EXOC6B: variants seen among roughly 807,000 people sequenced by gnomAD.
EXOC6B encodes the protein exocyst complex component 6B, also known as SEC15 homolog B.
A neutral mutation model predicts 113.5 loss-of-function variants in EXOC6B; 54 were observed. The ratio of observed to expected loss-of-function variants is 0.48; its 90% CI spans 0.38 to 0.60. The LOEUF (loss-of-function observed/expected upper bound fraction) is 0.60, where lower values mean the gene tolerates loss of function less well. EXOC6B is among the 20% of genes least tolerant of loss of function. The pLI is 0.00. For synonymous variants in EXOC6B, 357 were observed against 339.0 expected (o/e 1.05, Z -0.58); for missense variants, 797 against 977.5 (o/e 0.82, Z 2.46).
At chr2:72,409,756 T>C (rs1386090715) in intron 18 of EXOC6B, among the ~76,000 whole-genome samples, 2 of 151,680 alleles carry the variant, frequency 1.3e-5, no homozygotes, top group Non-Finnish European at 2.9e-5. Flanking sequence ...TTAGGAGATA[T>C]ACCTAATGTT....
At chr2:72,628,596 G>T (rs994346245) in intron 6 of EXOC6B, among the ~76,000 whole-genome samples, 8 of 152,046 alleles carry the variant, frequency 5.3e-5, no homozygotes, top group African/African-American at 1.9e-4. Context: ...GGTTTAGGAG[G>T]GTGGAGCTTT....
intron 6 of EXOC6B, among the ~76,000 whole-genome samples, chr2:72,657,489 C>T (rs1322118483): frequency 6.6e-6 from 1 of 151,364 alleles, no homozygotes; most frequent in African/African-American, 2.4e-5. Flanking sequence ...GCCTCGGTCT[C>T]CCAAAGTGCT....
At chr2:72,790,063 T>A (rs1181016902) in intron 1 of EXOC6B, among the ~76,000 whole-genome samples, 3 of 152,090 alleles carry the variant, frequency 2.0e-5, no homozygotes, top group Non-Finnish European at 4.4e-5. Flanking sequence ...CTCAGAGAAA[T>A]GGCACAGGGC....
At chr2:72,799,330 G>A (rs1685158288) in intron 1 of EXOC6B, among the ~76,000 whole-genome samples, 1 of 151,530 alleles carries the variant, frequency 6.6e-6, no homozygotes, top group African/African-American at 2.4e-5. Flanking sequence ...AGCATTTTAG[G>A]AGGTCGAGGT....
chr2:72,395,327 T>C (rs966564679), intron 18 of EXOC6B, among the ~76,000 whole-genome samples: 18 of 152,088 alleles, frequency 1.2e-4, no homozygotes, highest in South Asian at 8.3e-4. Flanking sequence ...TCTTTTAACT[T>C]CCACATACAA....
chr2:72,408,548 C>G (rs977531052), intron 18 of EXOC6B, among the ~76,000 whole-genome samples: 1 of 152,086 alleles, frequency 6.6e-6, no homozygotes, highest in Non-Finnish European at 1.5e-5. Context: ...ATAGAGCCCT[C>G]AGAAATAATG....
intron 18 of EXOC6B, among the ~76,000 whole-genome samples, chr2:72,425,044 G>A (rs375309300): frequency 6.6e-6 from 1 of 152,026 alleles, no homozygotes; most frequent in African/African-American, 2.4e-5. Context: ...ATGTGTCCAT[G>A]TGTTCTCAAC....
In EXOC6B at chr2:72,197,458, G is replaced by T. The variant is rs549750992; in HGVS notation, c.2197-13271C>A. Among the ~76,000 whole-genome samples the T allele has an allele frequency of 5.9e-5, 9 of 152,270 alleles. No homozygotes were observed. The South Asian group carries it at 1.5e-3, about 25-fold the overall frequency. On this transcript the variant is annotated intron_variant, in intron 20 of 21. Coordinates refer to ENST00000272427, the MANE Select transcript of EXOC6B (RefSeq NM_015189.3). ...AGAGGAAGTGGTGGGGTTAGACTAT[G>T]CAGAGTACTGGAGTACTGACTCTCA...
At chr2:72,807,200 T>C (rs563309602) in intron 1 of EXOC6B, among the ~76,000 whole-genome samples, 2 of 152,274 alleles carry the variant, frequency 1.3e-5, no homozygotes, top group Non-Finnish European at 2.9e-5. Flanking sequence ...TTTTTGCACA[T>C]GGTATAAGGA....
At chr2:72,191,492 T>TTTG (rs144478642) in intron 20 of EXOC6B, among the ~76,000 whole-genome samples, 32 of 152,246 alleles carry the variant, frequency 2.1e-4, no homozygotes, top group South Asian at 1.9e-3. Flanking sequence ...CAGCTGGTTG[T>TTTG]TTGTTGTTGT....
Sources: gnomAD v4.1 joint callset for allele counts (sites outside exome capture counted in the v4.1 genomes callset) on GRCh38, gnomAD v4.1.1 for gene constraint, MANE v1.5 for transcripts, NCBI Gene and HGNC (gene_info 2026-07-23, HGNC 2026-07-21) for gene names.